The following GLYATL2 variants were observed in gnomAD, a reference collection of about 807,000 sequenced individuals.
GLYATL2 encodes glycine N-acyltransferase-like protein 2.
A neutral mutation model predicts 21.4 loss-of-function variants in GLYATL2; 25 were observed. The ratio of observed to expected loss-of-function variants is 1.17; its 90% CI spans 0.85 to 1.63. The LOEUF is 1.63. Ranked by LOEUF, GLYATL2 falls within the 40% of genes most tolerant of loss-of-function variation. GLYATL2 has a pLI of 0.00. For synonymous variants in GLYATL2, 114 were observed against 118.2 expected (o/e 0.96, Z 0.23); for missense variants, 361 against 343.3 (o/e 1.05, Z -0.41).
chr11:58,846,773 C>A (rs552361380), upstream of GLYATL2, among the ~76,000 whole-genome samples: 123 of 152,224 alleles, frequency 8.1e-4, 1 homozygote, highest in African/African-American at 2.9e-3. Context: ...ATAAGGACTG[C>A]AACTCTTAAG....
Position 58,834,281 on chromosome 11 carries a change from G to A in GLYATL2, c.*148C>T, listed in dbSNP as rs1223352582. The stretch of plus-strand genomic sequence containing the variant: ...TTTTCTGTAAGAATACAGAGGAGAA[G>A]GAAGGTAAAACTGTTAAGGGTGAGC... On this transcript the variant is annotated 3_prime_UTR_variant, in exon 6 of 6. Coordinates refer to ENST00000287275, the MANE Select transcript of GLYATL2 (RefSeq NM_145016.4). 30 of 544,654 alleles carry A rather than the reference G, an allele frequency of 5.5e-5. 1 individual carries two copies. The Admixed American group carries it at 1.1e-3, about 20-fold the overall frequency. The allele number at this position is 544,654 out of a possible 1,614,324, so 33.7% of individuals were successfully genotyped here. A position where few individuals can be genotyped will look rare whatever the true frequency, so the allele number is the denominator to read the frequency against.
intron 1 of GLYATL2, chr11:58,893,113 C>T (rs187887529): frequency 7.5e-5 from 30 of 402,426 alleles, no homozygotes; most frequent in East Asian, 4.6e-4. Flanking sequence ...CAACTGGAGG[C>T]GAGGGAAGAA....
chr11:58,865,238 G>A (rs1463175531), intron 1 of GLYATL2, among the ~76,000 whole-genome samples: 2 of 148,714 alleles, frequency 1.3e-5, no homozygotes, highest in South Asian at 4.3e-4. Context: ...ATTTCTGATG[G>A]TTACTGAATC....
chr11:58,843,940 C>T (rs77862682), intron 1 of GLYATL2, among the ~76,000 whole-genome samples: 3,989 of 152,062 alleles, frequency 0.026, 159 homozygotes, highest in African/African-American at 0.09. Context: ...CATTAGGATA[C>T]CAGTTGCCAA....
chr11:58,852,270 C>T (rs879629209), intron 1 of GLYATL2, among the ~76,000 whole-genome samples: 9 of 152,108 alleles, frequency 5.9e-5, no homozygotes, highest in African/African-American at 1.7e-4. Flanking sequence ...GATACCCAAC[C>T]CCATCTCCAG....
At chr11:58,871,136 A>G (rs1854110944) in intron 1 of GLYATL2, among the ~76,000 whole-genome samples, 1 of 152,174 alleles carries the variant, frequency 6.6e-6, no homozygotes. Context: ...AGACATAATG[A>G]ATTTGAGATA....
chr11:58,848,663 A>G (rs895848107), upstream of GLYATL2, among the ~76,000 whole-genome samples: 2 of 152,220 alleles, frequency 1.3e-5, no homozygotes, highest in Non-Finnish European at 2.9e-5. Context: ...CAAAAGATAC[A>G]AAATAAAAAA....
At chr11:58,908,468 T>C (rs574667640), upstream of GLYATL2, 2 of 197,800 alleles carry the variant, frequency 1.0e-5, no homozygotes, top group Non-Finnish European at 2.2e-5. Context: ...GAACTCATCA[T>C]GAATTCCATG....
intron 1 of GLYATL2, among the ~76,000 whole-genome samples, chr11:58,865,998 GC>G (rs1201246120): frequency 6.7e-6 from 1 of 148,692 alleles, no homozygotes; most frequent in African/African-American, 2.4e-5. Flanking sequence ...GTTCTCGGAT[GC>G]CCCCAGCCAA....
intron 1 of GLYATL2, among the ~76,000 whole-genome samples, chr11:58,861,552 T>A (rs1853932052): frequency 6.6e-6 from 1 of 151,958 alleles, no homozygotes; most frequent in Admixed American, 6.5e-5. Flanking sequence ...GTTTTTATAG[T>A]TTCTATTTAA....
upstream of GLYATL2, among the ~76,000 whole-genome samples, chr11:58,904,460 G>A (rs952156990): frequency 6.6e-6 from 1 of 152,178 alleles, no homozygotes; most frequent in African/African-American, 2.4e-5. Context: ...CTCCAGTGAT[G>A]TCAGAAACTT....
chr11:58,848,838 T>C (rs1398893987), upstream of GLYATL2, among the ~76,000 whole-genome samples: 1 of 152,158 alleles, frequency 6.6e-6, no homozygotes, highest in Non-Finnish European at 1.5e-5. Context: ...AAGATATCAG[T>C]ATCTGAGTAC....
intron 1 of GLYATL2, among the ~76,000 whole-genome samples, chr11:58,860,977 A>G (rs757740221): frequency 3.3e-5 from 5 of 152,044 alleles, no homozygotes; most frequent in Non-Finnish European, 7.4e-5. Flanking sequence ...CCTTTTTGAC[A>G]TGCTGTTGAG....
At position 58,838,271 on chromosome 11, in the gene GLYATL2, G is replaced by T; in HGVS notation, c.176C>A (p.Pro59His). The T allele has an allele frequency of 6.2e-7, 1 of 1,609,846 alleles. No homozygotes were observed. ...WPDYQIVITR[P>H]QKQEMKDDQD... is the part of the protein sequence containing the mutation. ...AACTATTGCTCCTACCTGTTTCTGA[G>T]GCCGGGTAATGACGATCTGGTAATC... The change falls in exon 3 of 6, where the codon CCT becomes CAT. Residue 59 changes from proline to histidine, a missense_variant. Pro to His is a moderately conservative substitution (Grantham distance 77, BLOSUM62 -2). Transcript: ENST00000287275.
chr11:58,863,280 T>A (rs1853964347), intron 1 of GLYATL2, among the ~76,000 whole-genome samples: 1 of 152,162 alleles, frequency 6.6e-6, no homozygotes, highest in Admixed American at 6.5e-5. Flanking sequence ...CTAGCTAGGT[T>A]CTGGAATGGG....
intron 1 of GLYATL2, among the ~76,000 whole-genome samples, chr11:58,855,876 C>G (rs1400341728): frequency 6.6e-6 from 1 of 152,160 alleles, no homozygotes; most frequent in Admixed American, 6.5e-5. Flanking sequence ...GTAATCCCAG[C>G]TCTTTGGGAG....
intron 1 of GLYATL2, among the ~76,000 whole-genome samples, chr11:58,890,646 A>G (rs1024286385): frequency 6.6e-6 from 1 of 151,972 alleles, no homozygotes; most frequent in Non-Finnish European, 1.5e-5. Flanking sequence ...GTCAATTTTG[A>G]TAGTTTATTC....
intron 1 of GLYATL2, among the ~76,000 whole-genome samples, chr11:58,871,224 A>C (rs2134602679): frequency 6.6e-6 from 1 of 152,268 alleles, no homozygotes; most frequent in Middle Eastern, 3.4e-3. Context: ...AGTTTGAGTA[A>C]TAATATAAAT....
intron 1 of GLYATL2, chr11:58,878,314 T>G (rs1206001666): frequency 9.2e-6 from 5 of 544,038 alleles, no homozygotes; most frequent in Non-Finnish European, 1.5e-5. Flanking sequence ...GAGCGCTAAG[T>G]GAACAAGGAT....
Sources: allele counts gnomAD v4.1 joint callset (sites outside exome capture counted in the v4.1 genomes callset), GRCh38; gene constraint gnomAD v4.1.1; transcripts MANE v1.5; gene names NCBI Gene and HGNC (gene_info 2026-07-23, HGNC 2026-07-21).